Variants in NSMAF observed in about 807,000 individuals in gnomAD.
The protein encoded by NSMAF is neutral sphingomyelinase activation associated factor.
A neutral mutation model predicts 134.9 loss-of-function variants in NSMAF; 90 were observed. The ratio of observed to expected loss-of-function variants is 0.67; its 90% CI spans 0.56 to 0.79. The LOEUF is 0.79. NSMAF is among the 30% of genes least tolerant of loss of function. NSMAF has a pLI of 0.00. For synonymous variants in NSMAF, 358 were observed against 389.6 expected, an observed-to-expected ratio of 0.92 and a Z score of 0.96; for missense variants, 1,010 against 1,119.0, an observed-to-expected ratio of 0.90 and a Z score of 1.39.
intron 16 of NSMAF, 65 bp downstream of exon 16, chr8:58,601,220 C>G: frequency 3.0e-6 from 4 of 1,326,888 alleles, no homozygotes; most frequent in Admixed American, 3.4e-5. Context: ...TGCTTTGAAA[C>G]AAGTATGTTG....
chr8:58,627,261 T>C (rs1296676501), intron 6 of NSMAF, among the ~76,000 whole-genome samples: 1 of 152,114 alleles, frequency 6.6e-6, no homozygotes, highest in Non-Finnish European at 1.5e-5. Flanking sequence ...TGCTTTTGGG[T>C]TCTTAGTCAT....
intron 1 of NSMAF, among the ~76,000 whole-genome samples, chr8:58,656,265 A>T (rs1807708265): frequency 6.6e-6 from 1 of 152,086 alleles, no homozygotes; most frequent in South Asian, 2.1e-4. Context: ...GCCTCCCAAA[A>T]TTTGGGGATT....
In NSMAF at chr8:58,601,305, A is replaced by T; in HGVS notation, c.1260T>A (p.Asn420Lys). ...MLCLQNGRFD[N>K]ADRMFNSIAE... Reference sequence around the variant, plus strand: ...CAAACCTGTTGAACATTCTATCTGCATTATCAAATCTTCCATTCTGCAGGC... The same window carrying T: ...CAAACCTGTTGAACATTCTATCTGCTTTATCAAATCTTCCATTCTGCAGGC... Residue 420 changes from asparagine (N) to lysine (K), a missense_variant, in exon 16 of 31, where the codon AAT (asparagine) becomes AAA (lysine). Coordinates refer to ENST00000038176, the MANE Select transcript of NSMAF (RefSeq NM_003580.4). 1 of 1,613,974 alleles carries T rather than the reference A, an allele frequency of 6.2e-7. No homozygotes were observed. The highest frequency in any genetic ancestry group is 8.5e-7 in the Non-Finnish European group (1 of 1,179,874).
chr8:58,602,299 A>T (rs1806302960), intron 13 of NSMAF, among the ~76,000 whole-genome samples, 162 bp from the exon 14 acceptor site: 1 of 152,204 alleles, frequency 6.6e-6, no homozygotes, highest in African/African-American at 2.4e-5. Flanking sequence ...TGTAAAGAAA[A>T]GGTTAGCAAT....
At chr8:58,639,925 C>CT (rs1807294673) in intron 2 of NSMAF, 2 of 359,266 alleles carry the variant, frequency 5.6e-6, no homozygotes, top group Admixed American at 7.2e-5. Context: ...CACGTAGACT[C>CT]TAAAAGAGTT....
intron 1 of NSMAF, among the ~76,000 whole-genome samples, chr8:58,654,826 T>TTTAA: frequency 6.6e-6 from 1 of 152,152 alleles, no homozygotes; most frequent in Non-Finnish European, 1.5e-5. Flanking sequence ...TCTAAATTTC[T>TTTAA]TTTCTATTAT....
At chr8:58,640,106 C>A (rs941493082) in intron 2 of NSMAF, 2 of 455,374 alleles carry the variant, frequency 4.4e-6, no homozygotes, top group Non-Finnish European at 8.8e-6. Flanking sequence ...ATAAGTTCTG[C>A]AGATTTAATG....
chr8:58,659,459 T>C (rs1316774351), intron 1 of NSMAF, 114 bp downstream of exon 1: 1 of 1,465,460 alleles, frequency 6.8e-7, no homozygotes, highest in Non-Finnish European at 9.0e-7. Flanking sequence ...GTCCGGCCCC[T>C]GCCTCCGTGC....
chr8:58,620,329 A>G (rs553305606), intron 9 of NSMAF, among the ~76,000 whole-genome samples: 41 of 152,330 alleles, frequency 2.7e-4, no homozygotes, highest in African/African-American at 9.6e-4. Flanking sequence ...ACAAAGGCTC[A>G]GAGGTAAGAG....
chr8:58,590,387 T>A (rs1393196286), intron 24 of NSMAF, among the ~76,000 whole-genome samples: 1 of 152,168 alleles, frequency 6.6e-6, no homozygotes, highest in Non-Finnish European at 1.5e-5. Flanking sequence ...CTGGGGATGA[T>A]CCTCAAGAAA....
intron 6 of NSMAF, among the ~76,000 whole-genome samples, chr8:58,628,278 A>C (rs1353035263): frequency 6.6e-6 from 1 of 152,160 alleles, no homozygotes; most frequent in East Asian, 1.9e-4. Flanking sequence ...GAAACCATAA[A>C]AATTCTACAT....
intron 1 of NSMAF, chr8:58,659,094 G>T: frequency 1.2e-6 from 1 of 842,612 alleles, no homozygotes; most frequent in Non-Finnish European, 1.6e-6. Flanking sequence ...CGGCCTGCTC[G>T]GTGCCGCCCG....
intron 9 of NSMAF, 93 bp downstream of exon 9, chr8:58,623,118 GGGTGAGACC>G: frequency 4.6e-6 from 4 of 867,978 alleles, no homozygotes; most frequent in Non-Finnish European, 7.6e-6. Flanking sequence ...AGCAGGTTTT[GGGTGAGACC>G]AATGATGACA....
intron 6 of NSMAF, among the ~76,000 whole-genome samples, chr8:58,624,903 C>T (rs75763165): frequency 0.014 from 2,094 of 152,240 alleles, 51 homozygotes; most frequent in African/African-American, 0.048. Context: ...TATCAATGTT[C>T]GCTTCATATA....
chr8:58,637,464 T>C (rs1807202596), intron 2 of NSMAF: 1 of 454,784 alleles, frequency 2.2e-6, no homozygotes. Flanking sequence ...CTCTTACCAC[T>C]ACTATTCAAC....
At chr8:58,618,929 T>C (rs1806724085) in intron 9 of NSMAF, among the ~76,000 whole-genome samples, 1 of 152,138 alleles carries the variant, frequency 6.6e-6, no homozygotes, top group African/African-American at 2.4e-5. Flanking sequence ...TTCCCCCAAA[T>C]TCTTTAGCCT....
intron 12 of NSMAF, among the ~76,000 whole-genome samples, 165 bp from the exon 13 acceptor site, chr8:58,603,551 A>G (rs3816847): frequency 0.048 from 7,260 of 152,334 alleles, 440 homozygotes; most frequent in East Asian, 0.2. Flanking sequence ...TTGTTCAGCT[A>G]TGTATAAACA....
intron 21 of NSMAF, among the ~76,000 whole-genome samples, chr8:58,596,468 G>C (rs774020767): frequency 6.6e-6 from 1 of 152,168 alleles, no homozygotes; most frequent in South Asian, 2.1e-4. Context: ...TGGGTAACTG[G>C]AGAAAGGTGA....
At chr8:58,591,617 G>C (rs1056348225) in intron 23 of NSMAF, among the ~76,000 whole-genome samples, 11 of 150,622 alleles carry the variant, frequency 7.3e-5, no homozygotes, top group African/African-American at 2.4e-4. Context: ...CTCCCGAATA[G>C]CTGGGATTTT....
Sources: gnomAD v4.1 joint callset for allele counts (sites outside exome capture counted in the v4.1 genomes callset) on GRCh38, gnomAD v4.1.1 for gene constraint, MANE v1.5 for transcripts, NCBI Gene and HGNC (gene_info 2026-07-23, HGNC 2026-07-21) for gene names.